The following CFAP161 variants were observed in gnomAD, a reference collection of about 807,000 sequenced individuals.
CFAP161 encodes the protein cilia and flagella associated protein 161.
In CFAP161, 25 loss-of-function variants were observed where a neutral mutation model predicts 29.0. The observed-to-expected ratio is 0.86, with a 90% CI of 0.63 to 1.20. The LOEUF is 1.20. CFAP161 is among the 50% of genes most tolerant of loss of function. CFAP161 has a pLI of 0.00. For missense variants in CFAP161, 367 were observed against 371.9 expected, an observed-to-expected ratio of 0.99 and a Z score of 0.11; for synonymous variants, 116 against 137.4, an observed-to-expected ratio of 0.84 and a Z score of 1.09.
intron 1 of CFAP161, among the ~76,000 whole-genome samples, chr15:81,122,880 G>A (rs1894593456): frequency 6.6e-6 from 1 of 151,916 alleles, no homozygotes; most frequent in South Asian, 2.1e-4. Flanking sequence ...CTTTTTAATG[G>A]GGTTGTTTGT....
At chr15:81,139,376 A>G (rs889116688) in intron 4 of CFAP161, among the ~76,000 whole-genome samples, 1 of 152,192 alleles carries the variant, frequency 6.6e-6, no homozygotes, top group African/African-American at 2.4e-5. Context: ...CACAGATGGT[A>G]AGTTGCAGCC....
chr15:81,145,372 C>T (rs1237419955), intron 5 of CFAP161, among the ~76,000 whole-genome samples: 1 of 152,206 alleles, frequency 6.6e-6, no homozygotes, highest in Admixed American at 6.5e-5. Flanking sequence ...GTTTCCCTAT[C>T]TAAATTTGGG....
upstream of CFAP161, among the ~76,000 whole-genome samples, chr15:81,131,017 T>C (rs1173909338): frequency 1.3e-5 from 2 of 151,694 alleles, no homozygotes; most frequent in African/African-American, 4.8e-5. Flanking sequence ...AATAAGGAAG[T>C]TTGAAATATC....
In CFAP161 at chr15:81,135,143, A is replaced by G. The variant is rs535845123; in HGVS notation, c.70-127A>G. The G allele has an allele frequency of 1.6e-4, 86 of 554,546 alleles. No individual in the cohort carries two copies. The South Asian group carries it at 2.5e-3, about 16-fold the overall frequency. 34.4% of individuals were successfully genotyped at this position (554,546 alleles called of 1,614,324 possible). On this transcript the variant is annotated intron_variant, in intron 1 of 6. Transcript: ENST00000286732. ...GTGCTAAAAACGTTCCATCATTCCA[A>G]TTATGCTCACATCTCTTTTTTTGTA...
At chr15:81,114,847 T>C (rs1360291712) in intron 1 of CFAP161, among the ~76,000 whole-genome samples, 1 of 152,082 alleles carries the variant, frequency 6.6e-6, no homozygotes, top group East Asian at 1.9e-4. Context: ...GTATTTTTAG[T>C]AGAGACAGGG....
In CFAP161 at chr15:81,134,386, C is replaced by A. The variant is rs1300249975; in HGVS notation, c.57C>A (p.Val19=). ...GGATAGGCAACTGGAATGAGGATGT[C>A]TACCTGGAGGAGGTACGCAGGGTGT... ...GVRIGNWNED[V]YLEEELMKDF... The change falls in exon 1 of 7, where the codon GTC becomes GTA. Residue 19 remains valine, a synonymous_variant. Coordinates refer to ENST00000286732, the MANE Select transcript of CFAP161 (RefSeq NM_173528.4). The A allele has an allele frequency of 6.3e-7, 1 of 1,586,786 alleles. No individual in the cohort carries two copies. The highest frequency in any genetic ancestry group is 8.6e-7 in the Non-Finnish European group (1 of 1,167,430).
intron 1 of CFAP161, among the ~76,000 whole-genome samples, chr15:81,112,935 G>A (rs1043357734): frequency 9.9e-5 from 15 of 152,168 alleles, no homozygotes; most frequent in African/African-American, 3.4e-4. Context: ...AAATTGCACA[G>A]CATCCAATAA....
chr15:81,116,733 G>A (rs553607960), intron 1 of CFAP161, among the ~76,000 whole-genome samples: 3 of 152,286 alleles, frequency 2.0e-5, no homozygotes, highest in South Asian at 2.1e-4. Flanking sequence ...TTCATACACC[G>A]AGCATGAGGC....
intron 1 of CFAP161, among the ~76,000 whole-genome samples, chr15:81,119,689 G>A (rs926204937): frequency 2.0e-5 from 3 of 151,920 alleles, no homozygotes; most frequent in Middle Eastern, 3.2e-3. Context: ...GTTAATTTTA[G>A]GTCAAAAAGA....
chr15:81,107,807 T>G (rs933703155), intron 1 of CFAP161, among the ~76,000 whole-genome samples: 1 of 152,176 alleles, frequency 6.6e-6, no homozygotes. Context: ...GTAACGGAAG[T>G]ACCCAAATAA....
chr15:81,143,847 G>A, intron 5 of CFAP161, 27 bp downstream of exon 5: 1 of 1,598,812 alleles, frequency 6.3e-7, no homozygotes, highest in Non-Finnish European at 8.5e-7. Context: ...GAAGACATGG[G>A]TGTCTAGGCT....
intron 1 of CFAP161, among the ~76,000 whole-genome samples, chr15:81,112,560 A>C (rs927865644): frequency 1.3e-5 from 2 of 152,220 alleles, no homozygotes; most frequent in Non-Finnish European, 2.9e-5. Flanking sequence ...GATAATGAAC[A>C]CAGGATTTAG....
At chr15:81,147,819 G>T (rs1389521977) in intron 5 of CFAP161, 39 bp from the exon 6 acceptor site, 13 of 1,406,682 alleles carry the variant, frequency 9.2e-6, no homozygotes, top group East Asian at 2.4e-5. Flanking sequence ...AAAAAAAAAT[G>T]TTTAGAATGC....
At chr15:81,145,036 C>T (rs1595920732) in intron 5 of CFAP161, among the ~76,000 whole-genome samples, 1 of 152,116 alleles carries the variant, frequency 6.6e-6, no homozygotes, top group Admixed American at 6.5e-5. Context: ...TTCCTGCTCA[C>T]GAGGCATCCA....
chr15:81,120,912 A>T lies in CFAP161; in HGVS notation c.-141-6678A>T, dbSNP rs536561223. Among the ~76,000 whole-genome samples the T allele has an allele frequency of 2.0e-5, 3 of 152,362 alleles. No homozygotes were observed. In the South Asian group the frequency reaches 6.2e-4, roughly 32 times the overall value. On this transcript the variant is annotated intron_variant, in intron 1 of 4. Transcript: ENST00000560091. ...ATAGAAACTGTCTGTAGTTTAGAAG[A>T]TGGCTATTAAAGAAACGGGTTTCAG...
chr15:81,137,972 C>T, intron 3 of CFAP161, 79 bp from the exon 4 acceptor site: 1 of 1,021,100 alleles, frequency 9.8e-7, no homozygotes, highest in Admixed American at 2.3e-5. Flanking sequence ...AACAAAATTG[C>T]ATGCATAAAA....
chr15:81,126,608 C>T (rs542351009), intron 1 of CFAP161, among the ~76,000 whole-genome samples: 10 of 152,146 alleles, frequency 6.6e-5, no homozygotes, highest in African/African-American at 1.7e-4. Flanking sequence ...AGATACCTTA[C>T]GTTATTGCTC....
intron 1 of CFAP161, among the ~76,000 whole-genome samples, chr15:81,104,194 T>C (rs1894335099): frequency 6.6e-6 from 1 of 152,260 alleles, no homozygotes; most frequent in African/African-American, 2.4e-5. Context: ...AAAATTTTTT[T>C]CTGCAAGGCA....
At chr15:81,116,726 A>G (rs989996096) in intron 1 of CFAP161, among the ~76,000 whole-genome samples, 16 of 152,250 alleles carry the variant, frequency 1.1e-4, no homozygotes, top group African/African-American at 3.9e-4. Flanking sequence ...TGTGTGATTC[A>G]TACACCGAGC....
Sources: allele counts gnomAD v4.1 joint callset (sites outside exome capture counted in the v4.1 genomes callset), GRCh38; gene constraint gnomAD v4.1.1; transcripts MANE v1.5; gene names NCBI Gene and HGNC (gene_info 2026-07-23, HGNC 2026-07-21).